The following PARD3B variants were observed in gnomAD, a reference collection of about 807,000 sequenced individuals.
PARD3B encodes par-3 family cell polarity regulator beta.
Under a neutral mutation model 130.2 loss-of-function variants are expected in PARD3B, and 103 were observed. That is an observed-to-expected ratio of 0.79 (90% confidence interval 0.67 to 0.93). The LOEUF is 0.93. Ranked by LOEUF, PARD3B falls within the 40% of genes least tolerant of loss-of-function variation. The pLI is 0.00. For synonymous variants in PARD3B, 583 were observed against 553.2 expected (o/e 1.05, Z -0.76); for missense variants, 1,609 against 1,499.2 (o/e 1.07, Z -1.21).
intron 2 of PARD3B, among the ~76,000 whole-genome samples, chr2:204,694,642 G>T (rs2037524555): frequency 6.6e-6 from 1 of 152,062 alleles, no homozygotes; most frequent in Non-Finnish European, 1.5e-5. Context: ...CCTCAGAGAA[G>T]AATTTTGGAA....
intron 15 of PARD3B, among the ~76,000 whole-genome samples, chr2:205,215,272 AT>A (rs2037847885): frequency 1.3e-5 from 2 of 151,752 alleles, no homozygotes; most frequent in Non-Finnish European, 1.5e-5. Context: ...TTTGGATTAC[AT>A]TGTTCTTTTT....
At chr2:204,894,518 A>G (rs1350264521) in intron 2 of PARD3B, among the ~76,000 whole-genome samples, 1 of 152,050 alleles carries the variant, frequency 6.6e-6, no homozygotes, top group Non-Finnish European at 1.5e-5. Flanking sequence ...AACAGGAGAT[A>G]TATTAAATGC....
At chr2:205,359,136 A>G (rs1308482031) in intron 18 of PARD3B, among the ~76,000 whole-genome samples, 1 of 152,226 alleles carries the variant, frequency 6.6e-6, no homozygotes, top group East Asian at 1.9e-4. Context: ...ACAAACACCA[A>G]GCAATTCTCT....
At chr2:204,705,386 A>G (rs961342092) in intron 2 of PARD3B, among the ~76,000 whole-genome samples, 7 of 152,182 alleles carry the variant, frequency 4.6e-5, no homozygotes, top group Non-Finnish European at 1.0e-4. Context: ...AAGAACAGAG[A>G]GTGAGTGGTT....
intron 22 of PARD3B, among the ~76,000 whole-genome samples, chr2:205,586,789 G>A (rs1012498136): frequency 1.3e-5 from 2 of 152,076 alleles, no homozygotes; most frequent in Non-Finnish European, 2.9e-5. Context: ...ACACAGACTA[G>A]CATGGCGTAA....
At chr2:204,824,623 GA>G (rs1225064199) in intron 2 of PARD3B, among the ~76,000 whole-genome samples, 3 of 152,188 alleles carry the variant, frequency 2.0e-5, no homozygotes, top group Non-Finnish European at 2.9e-5. Flanking sequence ...TATGAGTGAT[GA>G]AAAGGAGGCC....
chr2:204,879,236 T>G (rs2125664909), intron 2 of PARD3B, among the ~76,000 whole-genome samples: 1 of 152,270 alleles, frequency 6.6e-6, no homozygotes, highest in Admixed American at 6.5e-5. Context: ...AAGCCTCCTG[T>G]TTCACATCTC....
Position 205,401,076 on chromosome 2 carries a change from TG to T in PARD3B, c.2696del (p.Gly899AlafsTer2). On this transcript the variant is annotated frameshift_variant, in exon 19 of 23. Transcript: ENST00000406610. LOFTEE classifies it high-confidence loss of function. ...AEQKGTLKHGGLREEELEKMK... is the reference protein window; with the variant it reads ...AEQKGTLKHGXLREEELEKMK... ...AGCAGAAAGGTACTCTGAAACATGG[TG>T]GCCTGAGAGAAGAAGAGCTGGAGAA... The T allele has an allele frequency of 6.2e-7, 1 of 1,603,248 alleles. No homozygotes were observed. Among genetic ancestry groups the T allele is most frequent in the Admixed American group, 1.7e-5 (1 of 58,728 alleles).
At chr2:205,201,325 G>A (rs979873262) in intron 15 of PARD3B, among the ~76,000 whole-genome samples, 2 of 102,012 alleles carry the variant, frequency 2.0e-5, no homozygotes, top group African/African-American at 3.6e-5. Context: ...TTTTGAAATC[G>A]AAAAGGATAA....
At chr2:205,379,689 A>T (rs1466201371) in intron 18 of PARD3B, among the ~76,000 whole-genome samples, 2 of 152,116 alleles carry the variant, frequency 1.3e-5, no homozygotes, top group African/African-American at 4.8e-5. Context: ...AAACAAAAAA[A>T]GTGGCAGCAT....
chr2:205,581,945 G>C (rs932470358), intron 22 of PARD3B, among the ~76,000 whole-genome samples: 1 of 152,172 alleles, frequency 6.6e-6, no homozygotes, highest in African/African-American at 2.4e-5. Flanking sequence ...TTGGTTCCCA[G>C]ATGGGGAGCC....
intron 10 of PARD3B, among the ~76,000 whole-genome samples, chr2:205,147,245 C>A (rs1351810340): frequency 6.6e-6 from 1 of 151,970 alleles, no homozygotes; most frequent in Non-Finnish European, 1.5e-5. Flanking sequence ...ATATTCATTT[C>A]TTTAATCTTT....
intron 2 of PARD3B, among the ~76,000 whole-genome samples, chr2:204,940,626 G>GC (rs1170896399): frequency 1.3e-5 from 2 of 152,152 alleles, no homozygotes; most frequent in East Asian, 3.8e-4. Flanking sequence ...AGCAGGTACT[G>GC]CTTGGGAGTT....
chr2:205,261,536 C>G (rs2040312009), intron 16 of PARD3B, among the ~76,000 whole-genome samples: 1 of 152,058 alleles, frequency 6.6e-6, no homozygotes, highest in South Asian at 2.1e-4. Context: ...ATATAAAATG[C>G]CCCTTAGAAA....
intron 1 of PARD3B, among the ~76,000 whole-genome samples, chr2:204,586,741 A>C (rs2032844757): frequency 1.3e-5 from 2 of 152,184 alleles, no homozygotes; most frequent in Non-Finnish European, 2.9e-5. Context: ...ATTATCCTTT[A>C]GTTAATTGGG....
At chr2:205,490,731 G>A (rs979584287) in intron 20 of PARD3B, among the ~76,000 whole-genome samples, 16 of 152,198 alleles carry the variant, frequency 1.1e-4, no homozygotes, top group Non-Finnish European at 2.4e-4. Context: ...CCCACCAACA[G>A]TATAAAAGTG....
At position 204,965,313 on chromosome 2, in the gene PARD3B, T is replaced by G; in HGVS notation, c.384T>G (p.Ala128=). 1 of 1,613,760 alleles carries G rather than the reference T, an allele frequency of 6.2e-7. No homozygotes were observed. Among genetic ancestry groups the G allele is most frequent in the Non-Finnish European group, 8.5e-7 (1 of 1,179,798 alleles). The change falls in exon 3 of 23, where the codon GCT becomes GCG. Residue 128 remains alanine (A), a synonymous_variant. Coordinates refer to ENST00000406610, the MANE Select transcript of PARD3B (RefSeq NM_001302769.2). Reference sequence around the variant, plus strand: ...GGGAGATTGAAGTAACCCCTTCTGCTCTAAAACTAGGTATGTGTAATGTTT... The same window carrying G: ...GGGAGATTGAAGTAACCCCTTCTGCGCTAAAACTAGGTATGTGTAATGTTT... ...IGGEIEVTPS[A]LKLGTPLLVR...
At chr2:205,182,202 G>A (rs1032624870) in intron 13 of PARD3B, among the ~76,000 whole-genome samples, 2 of 152,164 alleles carry the variant, frequency 1.3e-5, no homozygotes, top group East Asian at 3.9e-4. Context: ...TGAGGCAGGA[G>A]AATGGCTTGA....
chr2:205,495,915 G>T (rs375584784), intron 20 of PARD3B, among the ~76,000 whole-genome samples: 5 of 138,994 alleles, frequency 3.6e-5, no homozygotes, highest in African/African-American at 1.3e-4. Context: ...CTGTCACACA[G>T]GAATTGTAAA....
Sources: allele counts gnomAD v4.1 joint callset (sites outside exome capture counted in the v4.1 genomes callset), GRCh38; gene constraint gnomAD v4.1.1; transcripts MANE v1.5; gene names NCBI Gene and HGNC (gene_info 2026-07-23, HGNC 2026-07-21).